Variants in ZNF804A observed in about 807,000 individuals in gnomAD.
ZNF804A encodes zinc finger protein 804A.
ZNF804A carries 2 observed loss-of-function variants against 16.5 expected under a neutral mutation model. The observed-to-expected ratio is 0.12, with a 90% CI of 0.05 to 0.38. ZNF804A has a LOEUF of 0.38. Among genes scored for constraint, ZNF804A ranks in the 10% least tolerant of loss-of-function variants. The probability of loss-of-function intolerance (pLI) is 0.99; values close to 1 mark genes in which losing one functional copy is unlikely to be tolerated. For missense variants in ZNF804A, 1,473 were observed against 1,390.7 expected (o/e 1.06, Z -0.94); for synonymous variants, 534 against 489.6 (o/e 1.09, Z -1.20).
chr2:184,781,958 C>A (rs1296195681), intron 1 of ZNF804A, among the ~76,000 whole-genome samples: 1 of 151,828 alleles, frequency 6.6e-6, no homozygotes, highest in Non-Finnish European at 1.5e-5. Flanking sequence ...TAAGGCCTCT[C>A]CCCTTGGTAT....
chr2:184,866,224 C>T (rs939808791), intron 1 of ZNF804A, 145 bp from the exon 2 acceptor site: 4 of 604,194 alleles, frequency 6.6e-6, no homozygotes, highest in South Asian at 6.1e-5. Flanking sequence ...TTTATTCTAA[C>T]TTGGTTTTCT....
chr2:184,714,100 T>G (rs1175353213), intron 1 of ZNF804A, among the ~76,000 whole-genome samples: 1 of 152,072 alleles, frequency 6.6e-6, no homozygotes. Flanking sequence ...ATGCCTCTTA[T>G]TAACTAGAAT....
chr2:184,903,783 T>C (rs1205132367), intron 2 of ZNF804A, among the ~76,000 whole-genome samples: 1 of 152,160 alleles, frequency 6.6e-6, no homozygotes, highest in Non-Finnish European at 1.5e-5. Context: ...TTTGGACATA[T>C]GTGTGCTTCA....
intron 1 of ZNF804A, among the ~76,000 whole-genome samples, chr2:184,800,016 G>T (rs1347999164): frequency 6.6e-6 from 1 of 151,994 alleles, no homozygotes; most frequent in African/African-American, 2.4e-5. Context: ...GTGAGTTTTG[G>T]TAGTTTGTGT....
chr2:184,750,392 A>C (rs186661154), intron 1 of ZNF804A, among the ~76,000 whole-genome samples: 1 of 151,520 alleles, frequency 6.6e-6, no homozygotes, highest in Non-Finnish European at 1.5e-5. Flanking sequence ...ATTACATCTC[A>C]TTTTGAAAAA....
At chr2:184,883,502 A>G (rs1374046675) in intron 2 of ZNF804A, among the ~76,000 whole-genome samples, 1 of 152,050 alleles carries the variant, frequency 6.6e-6, no homozygotes, top group Admixed American at 6.6e-5. Flanking sequence ...AATATCCTTG[A>G]TAAAATAGTT....
intron 1 of ZNF804A, among the ~76,000 whole-genome samples, chr2:184,626,732 T>G (rs1320282458): frequency 6.6e-6 from 1 of 152,200 alleles, no homozygotes; most frequent in Non-Finnish European, 1.5e-5. Context: ...TACACAATTG[T>G]ATAATTAAAT....
intron 1 of ZNF804A, among the ~76,000 whole-genome samples, chr2:184,861,820 A>T (rs1270922160): frequency 6.6e-6 from 1 of 152,150 alleles, no homozygotes; most frequent in African/African-American, 2.4e-5. Context: ...ATAAACCATT[A>T]TCTTCTCTAT....
At chr2:184,606,393 G>T (rs953981212) in intron 1 of ZNF804A, among the ~76,000 whole-genome samples, 1 of 152,098 alleles carries the variant, frequency 6.6e-6, no homozygotes, top group African/African-American at 2.4e-5. Context: ...TCTAGTGAGA[G>T]CTCACTTACT....
At chr2:184,661,549 T>A (rs1487686014) in intron 1 of ZNF804A, among the ~76,000 whole-genome samples, 1 of 152,278 alleles carries the variant, frequency 6.6e-6, no homozygotes, top group Non-Finnish European at 1.5e-5. Flanking sequence ...TCCAGAGGTT[T>A]GTATGGGCTT....
At chr2:184,658,677 T>C (rs1438145376) in intron 1 of ZNF804A, among the ~76,000 whole-genome samples, 1 of 152,172 alleles carries the variant, frequency 6.6e-6, no homozygotes. Context: ...TGCTTCCAAG[T>C]TCACACCCAA....
chr2:184,638,125 C>T (rs1277817595), intron 1 of ZNF804A, among the ~76,000 whole-genome samples: 1 of 152,164 alleles, frequency 6.6e-6, no homozygotes, highest in Non-Finnish European at 1.5e-5. Context: ...TGATCCTCCT[C>T]CTTGTGCAAC....
chr2:184,682,468 T>C (rs1692558137), intron 1 of ZNF804A, among the ~76,000 whole-genome samples: 1 of 152,034 alleles, frequency 6.6e-6, no homozygotes, highest in Non-Finnish European at 1.5e-5. Flanking sequence ...CTACATTTGA[T>C]TTTTTTTGTG....
intron 1 of ZNF804A, among the ~76,000 whole-genome samples, chr2:184,846,115 A>T (rs1695511482): frequency 6.6e-6 from 1 of 152,150 alleles, no homozygotes; most frequent in Non-Finnish European, 1.5e-5. Context: ...GTCAGAGCTG[A>T]AACCAGAGGT....
intron 2 of ZNF804A, among the ~76,000 whole-genome samples, chr2:184,867,949 AT>A (rs1462747953): frequency 1.3e-5 from 2 of 152,124 alleles, no homozygotes; most frequent in African/African-American, 4.8e-5. Flanking sequence ...ATCTATTATC[AT>A]TTGCAAAAGA....
chr2:184,889,936 A>T (rs1436864639), intron 2 of ZNF804A, among the ~76,000 whole-genome samples: 6 of 152,156 alleles, frequency 3.9e-5, no homozygotes, highest in Non-Finnish European at 8.8e-5. Context: ...ACACCTGCTT[A>T]AATTTTTTCT....
chr2:184,734,568 T>G (rs778841780), intron 1 of ZNF804A, among the ~76,000 whole-genome samples: 2 of 152,180 alleles, frequency 1.3e-5, no homozygotes, highest in Non-Finnish European at 2.9e-5. Flanking sequence ...TTTGTTGAAG[T>G]GTGTTTTATT....
chr2:184,665,543 C>T (rs13391779), intron 1 of ZNF804A, among the ~76,000 whole-genome samples: 1,706 of 152,270 alleles, frequency 0.011, 37 homozygotes, highest in African/African-American at 0.039. Flanking sequence ...CATTTATTAT[C>T]TCACAGTTCT....
At chr2:184,769,518 C>T (rs985549048) in intron 1 of ZNF804A, among the ~76,000 whole-genome samples, 1 of 151,926 alleles carries the variant, frequency 6.6e-6, no homozygotes, top group Non-Finnish European at 1.5e-5. Context: ...TTAATAGAAC[C>T]ATAGAAATCC....
Sources: allele counts gnomAD v4.1 joint callset (sites outside exome capture counted in the v4.1 genomes callset), GRCh38; gene constraint gnomAD v4.1.1; transcripts MANE v1.5; gene names NCBI Gene and HGNC (gene_info 2026-07-23, HGNC 2026-07-21).